Variants in TTC7B observed in about 807,000 individuals in gnomAD.
The protein encoded by TTC7B is tetratricopeptide repeat domain 7B.
TTC7B carries 28 observed loss-of-function variants against 106.8 expected under a neutral mutation model. The ratio of observed to expected loss-of-function variants is 0.26; its 90% confidence interval spans 0.19 to 0.36. The LOEUF (loss-of-function observed/expected upper bound fraction) is 0.36. TTC7B is among the 10% of genes least tolerant of loss of function. TTC7B has a pLI of 1.00. For missense variants in TTC7B, 862 were observed against 1,076.4 expected (o/e 0.80, Z 2.79); for synonymous variants, 405 against 430.6 (o/e 0.94, Z 0.74).
chr14:90,694,910 A>C, intron 6 of TTC7B, among the ~76,000 whole-genome samples: 1 of 54,876 alleles, frequency 1.8e-5, no homozygotes, highest in Non-Finnish European at 3.6e-5. Context: ...TATGTCACAT[A>C]TATTTATTAT....
In TTC7B at chr14:90,759,355, C is replaced by T. The variant is rs778927143; in HGVS notation, c.446-14433G>A. ...ATGGAAGCCAAGGGATGGGTGGTGACGGAACAAGCACCGTACTAGGAGTTT... is the reference window on the plus strand; with the variant it reads ...ATGGAAGCCAAGGGATGGGTGGTGATGGAACAAGCACCGTACTAGGAGTTT... On this transcript the variant is annotated intron_variant, in intron 3 of 19. Coordinates refer to ENST00000328459, the MANE Select transcript of TTC7B (RefSeq NM_001010854.2). This position sits in a 1 kb window ranked among gnomAD's most constrained non-coding sequence, Gnocchi z 4.1. Among the ~76,000 whole-genome samples the T allele has an allele frequency of 6.6e-6, 1 of 152,096 alleles. No homozygotes were observed. Among genetic ancestry groups the T allele is most frequent in the South Asian group, 2.1e-4 (1 of 4,822 alleles).
intron 19 of TTC7B, among the ~76,000 whole-genome samples, chr14:90,563,774 A>G (rs1294906446): frequency 6.6e-6 from 1 of 152,202 alleles, no homozygotes; most frequent in Non-Finnish European, 1.5e-5. Context: ...TCTAAATTCA[A>G]CAATGTTCAC....
At chr14:90,585,150 C>T (rs1475221090) in intron 18 of TTC7B, among the ~76,000 whole-genome samples, 2 of 152,200 alleles carry the variant, frequency 1.3e-5, no homozygotes, top group East Asian at 3.9e-4. Context: ...CAGGCTCTGG[C>T]CTCATTGAAG....
rs550818718 is a variant in TTC7B, at chr14:90,600,576, G to A, written c.1967-6950C>T. On this transcript the variant is annotated intron_variant, in intron 17 of 19. Coordinates refer to ENST00000328459, the MANE Select transcript of TTC7B (RefSeq NM_001010854.2). This position sits in a 1 kb window ranked among gnomAD's most constrained non-coding sequence, Gnocchi z 4.3. ...CCCACTGACTTTAACATAATATCAA[G>A]CACCGTTTAAACCTGACAGCACACG... Among the ~76,000 whole-genome samples the A allele has an allele frequency of 6.6e-6, 1 of 152,300 alleles. No individual in the cohort carries two copies. Among genetic ancestry groups the A allele is most frequent in the African/African-American group, 2.4e-5 (1 of 41,556 alleles).
In TTC7B at chr14:90,749,991, G is replaced by A. The variant is rs368575598; in HGVS notation, c.446-5069C>T. 2.7e-4 allele frequency among the ~76,000 whole-genome samples: 41 copies of A among 152,248 alleles called. No individual in the cohort carries two copies. In the South Asian group the frequency reaches 8.1e-3, roughly 30 times the overall value. On this transcript the variant is annotated intron_variant, in intron 3 of 19. Coordinates refer to ENST00000328459, the MANE Select transcript of TTC7B (RefSeq NM_001010854.2). ...TTTCTTTCCAGTTAGCACCAATGTT[G>A]TTTATGCAATTGAAAATAATCAATA...
intron 15 of TTC7B, among the ~76,000 whole-genome samples, chr14:90,625,841 C>T (rs1884415668): frequency 6.6e-6 from 1 of 152,222 alleles, no homozygotes; most frequent in South Asian, 2.1e-4. Flanking sequence ...ATCTGGCTTA[C>T]CCAATTGCTG....
chr14:90,655,370 G>A (rs1374927269), intron 11 of TTC7B, among the ~76,000 whole-genome samples: 1 of 152,162 alleles, frequency 6.6e-6, no homozygotes, highest in African/African-American at 2.4e-5. Flanking sequence ...CATATTTGGT[G>A]GGGGTCTATC....
At chr14:90,671,408 G>T (rs955333301) in intron 9 of TTC7B, among the ~76,000 whole-genome samples, 1 of 152,152 alleles carries the variant, frequency 6.6e-6, no homozygotes, top group Non-Finnish European at 1.5e-5. Context: ...GCCTATGGAG[G>T]GGGGACACAC....
At chr14:90,597,614 C>A (rs370578256) in intron 17 of TTC7B, among the ~76,000 whole-genome samples, 2 of 151,902 alleles carry the variant, frequency 1.3e-5, no homozygotes, top group South Asian at 4.2e-4. Context: ...GCTGAGACTG[C>A]GCCATTGCAC....
At chr14:90,668,155 T>A (rs1050586077) in intron 9 of TTC7B, among the ~76,000 whole-genome samples, 1 of 148,648 alleles carries the variant, frequency 6.7e-6, no homozygotes, top group Non-Finnish European at 1.5e-5. Flanking sequence ...GTCAGTGAGG[T>A]GGGGCTGGAC....
intron 3 of TTC7B, among the ~76,000 whole-genome samples, chr14:90,760,712 C>T (rs1890470918): frequency 6.6e-6 from 1 of 152,236 alleles, no homozygotes; most frequent in South Asian, 2.1e-4. Context: ...TGTCTTGTTA[C>T]TTGCTGGGGC....
rs140346034 is a variant in TTC7B at position 90,529,211 on chromosome 14, T to C, written c.*12157A>G. On this transcript the variant is annotated 3_prime_UTR_variant, in exon 20 of 20. Coordinates refer to ENST00000328459, the MANE Select transcript of TTC7B (RefSeq NM_001010854.2). ...ACTGCGCTTTGTTACCTCTTTCCGA[T>C]AGCGGGATCTGACTGCATTTTGCAT... 2.6e-5 allele frequency: 4 copies of C among 153,460 alleles called. No individual in the cohort carries two copies. Among genetic ancestry groups the C allele is most frequent in the African/African-American group, 9.6e-5 (4 of 41,600 alleles). 9.5% of individuals were successfully genotyped at this position (153,460 alleles called of 1,614,324 possible). A position where few individuals can be genotyped will look rare whatever the true frequency, so the allele number is the denominator to read the frequency against.
At chr14:90,660,896 C>T (rs917575303) in intron 9 of TTC7B, among the ~76,000 whole-genome samples, 7 of 152,302 alleles carry the variant, frequency 4.6e-5, no homozygotes, top group African/African-American at 1.4e-4. Context: ...GGTGGGCATC[C>T]GAAGACCTTG....
At chr14:90,729,942 A>G in intron 5 of TTC7B, 133 bp downstream of exon 5, 1 of 829,850 alleles carries the variant, frequency 1.2e-6, no homozygotes, top group Non-Finnish European at 1.6e-6. Context: ...CATTCTTTAA[A>G]AGAAAAAAAA....
intron 3 of TTC7B, among the ~76,000 whole-genome samples, chr14:90,748,787 T>C (rs1422173125): frequency 6.6e-6 from 1 of 152,232 alleles, no homozygotes; most frequent in Non-Finnish European, 1.5e-5. Context: ...TTTTGTTTAG[T>C]CATTTTTTTA....
intron 6 of TTC7B, among the ~76,000 whole-genome samples, chr14:90,691,947 T>C (rs968576261): frequency 2.6e-5 from 4 of 152,206 alleles, no homozygotes; most frequent in African/African-American, 9.7e-5. Context: ...ACATTTTATA[T>C]AAATTAAAGT....
chr14:90,753,336 T>C (rs960026061), intron 3 of TTC7B, among the ~76,000 whole-genome samples: 1 of 152,240 alleles, frequency 6.6e-6, no homozygotes, highest in Non-Finnish European at 1.5e-5. Flanking sequence ...GGTAAGTTTC[T>C]GACAACCCAG....
chr14:90,605,684 G>A (rs374263106), intron 17 of TTC7B: 2 of 1,289,102 alleles, frequency 1.6e-6, no homozygotes, highest in Non-Finnish European at 2.0e-6. Context: ...GGAGAATGAA[G>A]ATGAGAAGAC....
chr14:90,611,863 A>C (rs1415633425), intron 16 of TTC7B, among the ~76,000 whole-genome samples: 1 of 152,210 alleles, frequency 6.6e-6, no homozygotes, highest in Non-Finnish European at 1.5e-5. Context: ...CTATCAAAGC[A>C]GCTCCAAAAA....
Sources: allele counts gnomAD v4.1 joint callset (sites outside exome capture counted in the v4.1 genomes callset), GRCh38; gene constraint gnomAD v4.1.1; non-coding constraint Gnocchi (gnomAD v3.1); transcripts MANE v1.5; gene names NCBI Gene and HGNC (gene_info 2026-07-23, HGNC 2026-07-21).